The following PDE8A variants were observed in gnomAD, a reference collection of about 807,000 sequenced individuals.
PDE8A encodes the protein high affinity cAMP-specific and IBMX-insensitive 3',5'-cyclic phosphodiesterase 8A.
In PDE8A, 59 loss-of-function variants were observed where a neutral mutation model predicts 105.0. The observed-to-expected ratio is 0.56, with a 90% confidence interval of 0.46 to 0.70. PDE8A has a LOEUF of 0.70. Among genes scored for constraint, PDE8A ranks in the 30% least tolerant of loss-of-function variants. The pLI is 0.00. For missense variants in PDE8A, 1,014 were observed against 1,045.9 expected, an observed-to-expected ratio of 0.97 and a Z score of 0.42; for synonymous variants, 355 against 371.9, an observed-to-expected ratio of 0.95 and a Z score of 0.52.
intron 1 of PDE8A, among the ~76,000 whole-genome samples, chr15:85,029,151 C>T (rs1001690509): frequency 2.6e-5 from 4 of 152,060 alleles, no homozygotes; most frequent in African/African-American, 7.2e-5. Context: ...ATAGCTAATA[C>T]TTCCATTAGG....
chr15:85,126,758 A>G (rs960468855), intron 20 of PDE8A, among the ~76,000 whole-genome samples: 1 of 152,200 alleles, frequency 6.6e-6, no homozygotes, highest in Non-Finnish European at 1.5e-5. Context: ...GCATATGCAT[A>G]CAGATTCAAG....
At chr15:85,064,653 T>G (rs28674753) in intron 2 of PDE8A, among the ~76,000 whole-genome samples, 13,454 of 152,206 alleles carry the variant, frequency 0.088, 1,306 homozygotes, top group African/African-American at 0.25. Context: ...TGTAGCCTAC[T>G]TTCATTGGTT....
rs761925768 is a variant in PDE8A, at chr15:85,097,974, A to G, written c.879A>G (p.Lys293=). The change falls in exon 9 of 22, where the codon AAA becomes AAG. Residue 293 remains lysine, a synonymous_variant. Transcript: ENST00000394553. ...GKEWQGIYYA[K]KKNGDNIQQN... is the part of the protein sequence containing the mutation. ...AGTGGCAAGGAATTTACTATGCCAA[A>G]AAGAAAAACGGAGATAATATACAAC... The G allele has an allele frequency of 6.3e-7, 1 of 1,598,008 alleles. No homozygotes were observed. The highest frequency in any genetic ancestry group is 8.6e-7 in the Non-Finnish European group (1 of 1,165,422).
intron 16 of PDE8A, among the ~76,000 whole-genome samples, chr15:85,116,829 CCTT>C (rs762457696): frequency 6.6e-6 from 1 of 152,194 alleles, no homozygotes; most frequent in Non-Finnish European, 1.5e-5. Flanking sequence ...CTTGAGTTAA[CCTT>C]CTGATACGTT....
intron 1 of PDE8A, among the ~76,000 whole-genome samples, chr15:85,002,036 TCAAGTGATCCTCCTG>T (rs1299982227): frequency 4.6e-5 from 7 of 152,066 alleles, no homozygotes. Flanking sequence ...ATTCCTGGCC[TCAAGTGATCCTCCTG>T]CATTGGCCTC....
chr15:85,132,198 C>T (rs2082339459), intron 20 of PDE8A, among the ~76,000 whole-genome samples: 1 of 152,068 alleles, frequency 6.6e-6, no homozygotes, highest in African/African-American at 2.4e-5. Context: ...TCTTGAACTC[C>T]TGGGTTCAAG....
intron 3 of PDE8A, among the ~76,000 whole-genome samples, chr15:85,072,964 T>TA (rs1475817514): frequency 7.3e-6 from 1 of 137,074 alleles, no homozygotes; most frequent in Non-Finnish European, 1.5e-5. Flanking sequence ...CATCAAAAAA[T>TA]AAACCAAGCA....
intron 1 of PDE8A, among the ~76,000 whole-genome samples, chr15:85,032,577 G>A (rs1228823324): frequency 6.6e-6 from 1 of 152,014 alleles, no homozygotes; most frequent in Non-Finnish European, 1.5e-5. Flanking sequence ...GATCTTTAAG[G>A]GGCATGACTT....
chr15:85,019,560 T>A (rs1216941072), intron 1 of PDE8A, among the ~76,000 whole-genome samples: 2 of 152,038 alleles, frequency 1.3e-5, no homozygotes, highest in Non-Finnish European at 2.9e-5. Context: ...TTCTTAATAC[T>A]ATTCATTATT....
At chr15:85,121,608 C>T (rs1000726929) in intron 18 of PDE8A, among the ~76,000 whole-genome samples, 4 of 151,732 alleles carry the variant, frequency 2.6e-5, no homozygotes, top group Admixed American at 6.6e-5. Flanking sequence ...GTGCTTGGTA[C>T]ATACTAGAGC....
At chr15:85,113,276 C>G in intron 12 of PDE8A, 101 bp from the exon 13 acceptor site, 1 of 950,728 alleles carries the variant, frequency 1.1e-6, no homozygotes, top group Non-Finnish European at 1.7e-6. Context: ...TCAGTTCTAT[C>G]CTGCCCCTTC....
intron 1 of PDE8A, among the ~76,000 whole-genome samples, chr15:84,995,436 A>C (rs188745231): frequency 3.3e-4 from 50 of 151,274 alleles, no homozygotes; most frequent in African/African-American, 1.2e-3. Context: ...TCCCACCTCA[A>C]CCTCCTGGGT....
chr15:85,072,168 A>T (rs2081321038), intron 3 of PDE8A, among the ~76,000 whole-genome samples: 4 of 152,244 alleles, frequency 2.6e-5, no homozygotes, highest in African/African-American at 9.6e-5. Flanking sequence ...TATAAATCCC[A>T]TTCTTTTTCA....
intron 20 of PDE8A, among the ~76,000 whole-genome samples, chr15:85,130,175 C>T (rs774066749): frequency 6.6e-6 from 1 of 152,118 alleles, no homozygotes; most frequent in Non-Finnish European, 1.5e-5. Context: ...ACCAGATTAC[C>T]TGTAAACTCA....
At chr15:85,047,208 G>A (rs1416234872) in intron 1 of PDE8A, among the ~76,000 whole-genome samples, 2 of 152,102 alleles carry the variant, frequency 1.3e-5, no homozygotes, top group Non-Finnish European at 2.9e-5. Context: ...TTATTAAGAG[G>A]GCTGTGACCT....
intron 1 of PDE8A, among the ~76,000 whole-genome samples, chr15:85,002,384 AAG>A (rs2080081383): frequency 6.6e-6 from 1 of 152,210 alleles, no homozygotes; most frequent in Admixed American, 6.5e-5. Context: ...CAGACAGACA[AAG>A]AGGTGATACA....
intron 1 of PDE8A, among the ~76,000 whole-genome samples, chr15:85,019,328 A>G (rs2080380807): frequency 6.6e-6 from 1 of 152,204 alleles, no homozygotes; most frequent in Non-Finnish European, 1.5e-5. Flanking sequence ...TTTCTTGAAA[A>G]TACTACAGTC....
chr15:85,071,144 A>G (rs532559029), intron 3 of PDE8A, among the ~76,000 whole-genome samples: 1 of 152,374 alleles, frequency 6.6e-6, no homozygotes, highest in African/African-American at 2.4e-5. Context: ...AGACTAATAA[A>G]GAAGCCTGTT....
At chr15:85,132,742 C>T (rs1258336464) in intron 20 of PDE8A, among the ~76,000 whole-genome samples, 2 of 152,142 alleles carry the variant, frequency 1.3e-5, no homozygotes, top group Non-Finnish European at 2.9e-5. Context: ...CAGGTGTGAA[C>T]CACCGCACCT....
Sources: gnomAD v4.1 joint callset for allele counts (sites outside exome capture counted in the v4.1 genomes callset) on GRCh38, gnomAD v4.1.1 for gene constraint, MANE v1.5 for transcripts, NCBI Gene and HGNC (gene_info 2026-07-23, HGNC 2026-07-21) for gene names.